MTFR2: variants seen among roughly 807,000 people sequenced by gnomAD.
MTFR2 encodes the protein mitochondrial fission regulator 2.
A neutral mutation model predicts 41.2 loss-of-function variants in MTFR2; 44 were observed. The observed-to-expected ratio is 1.07, with a 90% CI of 0.84 to 1.37. The LOEUF (loss-of-function observed/expected upper bound fraction) is 1.37. Ranked by LOEUF, MTFR2 falls within the 40% of genes most tolerant of loss-of-function variation. The pLI is 0.00. For missense variants in MTFR2, 452 were observed against 459.5 expected (o/e 0.98, Z 0.15); for synonymous variants, 141 against 154.6 (o/e 0.91, Z 0.65).
intron 6 of MTFR2, among the ~76,000 whole-genome samples, chr6:136,234,466 G>A (rs1046839410): frequency 6.6e-6 from 1 of 152,114 alleles, no homozygotes; most frequent in Non-Finnish European, 1.5e-5. Flanking sequence ...GTAAACATCT[G>A]GGGCTGCATC....
intron 6 of MTFR2, among the ~76,000 whole-genome samples, chr6:136,234,707 C>T (rs1779859099): frequency 6.6e-6 from 1 of 152,124 alleles, no homozygotes; most frequent in African/African-American, 2.4e-5. Flanking sequence ...TCACTATCTG[C>T]AGAATAAATA....
At position 136,231,193 on chromosome 6, in the gene MTFR2, T is replaced by A; in HGVS notation, c.*82A>T. 1.1e-6 allele frequency: 1 copy of A among 925,454 alleles called. No individual in the cohort carries two copies. Among genetic ancestry groups the A allele is most frequent in the Non-Finnish European group, 1.7e-6 (1 of 593,744 alleles). The allele number at this position is 925,454 out of a possible 1,614,324, so 57.3% of individuals were successfully genotyped here. On this transcript the variant is annotated 3_prime_UTR_variant, in exon 8 of 8. Coordinates refer to ENST00000420702, the MANE Select transcript of MTFR2 (RefSeq NM_001099286.3). ...TTTAAATACATCTACTTTTAGCCTT[T>A]AACAGTCCAAATCAGTTTCTAAGAA... is the stretch of plus-strand genomic sequence containing the variant.
chr6:136,247,911 A>G (rs1337221296), intron 2 of MTFR2, among the ~76,000 whole-genome samples: 1 of 152,224 alleles, frequency 6.6e-6, no homozygotes, highest in African/African-American at 2.4e-5. Flanking sequence ...TCTTTCCTAC[A>G]TACTAAAACC....
In MTFR2 at chr6:136,241,689, A is replaced by T; in HGVS notation, c.282-13T>A. 6.3e-7 allele frequency: 1 copy of T among 1,583,048 alleles called. No homozygotes were observed. The highest frequency in any genetic ancestry group is 8.6e-7 in the Non-Finnish European group (1 of 1,160,618). On this transcript the variant is annotated splice_polypyrimidine_tract_variant and intron_variant, in intron 4 of 7. Coordinates refer to ENST00000420702, the MANE Select transcript of MTFR2 (RefSeq NM_001099286.3). ...CCATATACTATTTCTGTGGGTGAAA[A>T]AAAATAGGAAATGGAGGGAAGATAT...
chr6:136,231,516 T>C (rs1779755198), intron 7 of MTFR2, 128 bp from the exon 8 acceptor site: 1 of 619,246 alleles, frequency 1.6e-6, no homozygotes, highest in Non-Finnish European at 2.8e-6. Context: ...TTTATTACTA[T>C]AATACATAGT....
intron 2 of MTFR2, chr6:136,247,417 TC>T (rs1780238082): frequency 5.0e-5 from 22 of 436,014 alleles, no homozygotes; most frequent in Non-Finnish European, 1.0e-4. Context: ...GGACAGTCTC[TC>T]TCCTTTCCAA....
rs762503655 is a variant in MTFR2, at chr6:136,239,739, T to G, written c.596A>C (p.Asp199Ala). The G allele has an allele frequency of 6.2e-7, 1 of 1,614,060 alleles. No homozygotes were observed. Among genetic ancestry groups the G allele is most frequent in the South Asian group, 1.1e-5 (1 of 91,084 alleles). ...SRAAHLSVDP[D>A]QLPGSVLSPP... ...AGAAAGCACTGAACCTGGAAGCTGATCTGGGTCCACACTCAGATGGGCAGC... is the reference window on the plus strand; with the variant it reads ...AGAAAGCACTGAACCTGGAAGCTGAGCTGGGTCCACACTCAGATGGGCAGC... Residue 199 changes from aspartate (D) to alanine (A), a missense_variant, in exon 6 of 8, where the codon GAT (aspartate) becomes GCT (alanine). Physicochemically the swap from Asp to Ala is moderately radical, Grantham distance 126 (BLOSUM62 -2). Coordinates refer to ENST00000420702, the MANE Select transcript of MTFR2 (RefSeq NM_001099286.3).
At chr6:136,237,350 G>A (rs1431670551) in intron 6 of MTFR2, among the ~76,000 whole-genome samples, 2 of 152,070 alleles carry the variant, frequency 1.3e-5, no homozygotes, top group East Asian at 3.8e-4. Context: ...ACTAAAGATA[G>A]AGATCAAAGC....
intron 2 of MTFR2, chr6:136,247,407 G>C: frequency 2.4e-6 from 1 of 423,328 alleles, no homozygotes; most frequent in Non-Finnish European, 4.6e-6. Flanking sequence ...CTTTAAGGCA[G>C]GACAGTCTCT....
At chr6:136,249,671 A>G (rs950099245) in intron 1 of MTFR2, among the ~76,000 whole-genome samples, 1 of 152,306 alleles carries the variant, frequency 6.6e-6, no homozygotes. Context: ...GTGGTAGTGA[A>G]TAAGTCTCAT....
At chr6:136,249,280 G>A (rs1780298779) in intron 1 of MTFR2, 127 bp from the exon 2 acceptor site, 2 of 512,232 alleles carry the variant, frequency 3.9e-6, no homozygotes, top group Admixed American at 4.2e-5. Context: ...ATTCTTTTAA[G>A]TCAGAGAAAA....
intron 4 of MTFR2, among the ~76,000 whole-genome samples, chr6:136,242,308 C>G (rs1202378984): frequency 6.6e-6 from 1 of 152,076 alleles, no homozygotes; most frequent in Non-Finnish European, 1.5e-5. Context: ...TACTTATTAA[C>G]TTTAAACGCA....
intron 1 of MTFR2, among the ~76,000 whole-genome samples, chr6:136,249,457 C>A (rs1468102457): frequency 6.6e-6 from 1 of 152,178 alleles, no homozygotes; most frequent in Non-Finnish European, 1.5e-5. Flanking sequence ...CATGCCACAG[C>A]GAAGCTCGCT....
At position 136,233,573 on chromosome 6, in the gene MTFR2, A is replaced by G. The variant is rs571440821; in HGVS notation, c.870-74T>C. 2.7e-6 allele frequency: 3 copies of G among 1,124,786 alleles called. No individual in the cohort carries two copies. The South Asian group carries it at 6.0e-5, about 22-fold the overall frequency. The allele number at this position is 1,124,786 out of a possible 1,614,324, so 69.7% of individuals were successfully genotyped here. On this transcript the variant is annotated intron_variant, in intron 6 of 7. Coordinates refer to ENST00000420702, the MANE Select transcript of MTFR2 (RefSeq NM_001099286.3). ...TTAGCTCCTTGTTGACAAACATGGC[A>G]GGAATACAAGCATATCTTACAATTT...
At chr6:136,248,135 A>C (rs1338321027) in intron 2 of MTFR2, among the ~76,000 whole-genome samples, 1 of 152,150 alleles carries the variant, frequency 6.6e-6, no homozygotes, top group African/African-American at 2.4e-5. Context: ...CTTCCTTACA[A>C]TCTCATATTA....
chr6:136,242,122 C>T (rs994872499), intron 4 of MTFR2, among the ~76,000 whole-genome samples: 3 of 150,940 alleles, frequency 2.0e-5, no homozygotes. Flanking sequence ...ACTCTCTATC[C>T]CCCATGATTG....
In MTFR2 at chr6:136,233,510, A is replaced by T. The variant is rs7742780; in HGVS notation, c.870-11T>A. On this transcript the variant is annotated splice_polypyrimidine_tract_variant and intron_variant, in intron 6 of 7. Transcript: ENST00000420702. Reference sequence around the variant, plus strand: ...CTACCGCCAGGTGACCTATTTTTTAAAAAAAAAAATTGAATTTATTAAAAC... The same window carrying T: ...CTACCGCCAGGTGACCTATTTTTTATAAAAAAAAATTGAATTTATTAAAAC... 5.3e-3 allele frequency: 7,766 copies of T among 1,466,534 alleles called. 307 individuals are homozygous for T. The African/African-American group carries it at 0.091, about 17-fold the overall frequency. The allele number at this position is 1,466,534 out of a possible 1,614,324, so 90.8% of individuals were successfully genotyped here. A position where few individuals can be genotyped will look rare whatever the true frequency, so the allele number is the denominator to read the frequency against.
At chr6:136,240,034 A>T (rs979605316) in intron 5 of MTFR2, among the ~76,000 whole-genome samples, 1 of 152,042 alleles carries the variant, frequency 6.6e-6, no homozygotes, top group Non-Finnish European at 1.5e-5. Flanking sequence ...TTTTCAGTGT[A>T]GGTCCAAGAG....
intron 5 of MTFR2, among the ~76,000 whole-genome samples, chr6:136,240,932 A>AC (rs1192126617): frequency 6.6e-6 from 1 of 152,314 alleles, no homozygotes; most frequent in Admixed American, 6.5e-5. Context: ...TCTACTAAAA[A>AC]TACAAAAAAT....
Sources: allele counts gnomAD v4.1 joint callset (sites outside exome capture counted in the v4.1 genomes callset), GRCh38; gene constraint gnomAD v4.1.1; transcripts MANE v1.5; gene names NCBI Gene and HGNC (gene_info 2026-07-23, HGNC 2026-07-21).